DGKD: variants seen among roughly 807,000 people sequenced by gnomAD.
DGKD encodes the protein diacylglycerol kinase delta.
In DGKD, 68 loss-of-function variants were observed where a neutral mutation model predicts 154.4. That is an observed-to-expected ratio of 0.44 (90% CI 0.36 to 0.54). The LOEUF (loss-of-function observed/expected upper bound fraction) is 0.54, where lower values mean the gene tolerates loss of function less well. DGKD is among the 20% of genes least tolerant of loss of function. DGKD has a pLI of 0.00. For synonymous variants in DGKD, 693 were observed against 638.0 expected (o/e 1.09, Z -1.30); for missense variants, 1,343 against 1,593.6 (o/e 0.84, Z 2.68).
chr2:233,424,382 G>A (rs1459305969), intron 3 of DGKD, among the ~76,000 whole-genome samples: 2 of 152,204 alleles, frequency 1.3e-5, no homozygotes, highest in African/African-American at 4.8e-5. Context: ...TTATCCTCCA[G>A]ATCTTATTTC....
chr2:233,390,495 C>T lies in DGKD; in HGVS notation c.348+12C>T, dbSNP rs760807120. The T allele has an allele frequency of 4.3e-4, 697 of 1,607,152 alleles. 1 individual carries two copies. Among genetic ancestry groups the T allele is most frequent in the Non-Finnish European group, 4.3e-4 (510 of 1,173,886 alleles). On this transcript the variant is annotated intron_variant, in intron 3 of 29. Coordinates refer to ENST00000264057, the MANE Select transcript of DGKD (RefSeq NM_152879.3). Reference sequence around the variant, plus strand: ...ACAACAGTTTTACGGTAAGATTCCTCAGTCATGCCTTTCTTGATTCTTCAC... The same window carrying T: ...ACAACAGTTTTACGGTAAGATTCCTTAGTCATGCCTTTCTTGATTCTTCAC...
rs41270761 is a variant in DGKD at position 233,442,750 on chromosome 2, C to A, written c.1194+755C>A. On this transcript the variant is annotated intron_variant, in intron 10 of 29. Transcript: ENST00000264057. The stretch of plus-strand genomic sequence containing the variant: ...CCTCCTAAATAGCTGGGATTACAGG[C>A]GCACGCTACCACGCCCAGCTAATTT... Among the ~76,000 whole-genome samples the A allele has an allele frequency of 8.5e-3, 1,296 of 152,178 alleles. 14 individuals are homozygous for A. Among genetic ancestry groups the A allele is most frequent in the Middle Eastern group, 0.037 (11 of 294 alleles).
At chr2:233,468,621 T>C (rs1420844557) in intron 29 of DGKD, 68 bp downstream of exon 29, 1 of 1,596,286 alleles carries the variant, frequency 6.3e-7, no homozygotes, top group Non-Finnish European at 8.5e-7. Flanking sequence ...TCTTCCATCC[T>C]CTCCCCCGAC....
At chr2:233,400,618 G>A (rs1183779294) in intron 3 of DGKD, among the ~76,000 whole-genome samples, 1 of 152,216 alleles carries the variant, frequency 6.6e-6, no homozygotes, top group East Asian at 1.9e-4. Flanking sequence ...CATCTCGGGT[G>A]CTGGTTTTAT....
chr2:233,467,366 G>C (rs918921705), intron 28 of DGKD, among the ~76,000 whole-genome samples, 163 bp downstream of exon 28: 1 of 152,142 alleles, frequency 6.6e-6, no homozygotes, highest in Non-Finnish European at 1.5e-5. Flanking sequence ...GGTAGCTGCA[G>C]CCCTCCACCC....
chr2:233,372,026 T>C (rs2125400688), intron 1 of DGKD, among the ~76,000 whole-genome samples: 1 of 152,056 alleles, frequency 6.6e-6, no homozygotes, highest in South Asian at 2.1e-4. Context: ...TTTATTTTGT[T>C]TTATTTTATT....
rs1472872981 is a variant in DGKD at position 233,354,757 on chromosome 2, G to T, written c.156+83G>T. ...CGAGGCCCGTGGCCCTGCCCGAGCGGCCGCCCAGGCCCGGCTCGGCCCGGC... is the reference window on the plus strand; with the variant it reads ...CGAGGCCCGTGGCCCTGCCCGAGCGTCCGCCCAGGCCCGGCTCGGCCCGGC... On this transcript the variant is annotated intron_variant, in intron 1 of 29. Transcript: ENST00000264057. The surrounding 1 kb of genome is among the most constrained non-coding windows in gnomAD (Gnocchi z 4.8). 1.2e-6 allele frequency: 1 copy of T among 837,168 alleles called. No individual in the cohort carries two copies. Among genetic ancestry groups the T allele is most frequent in the South Asian group, 5.3e-5 (1 of 18,872 alleles). The allele number at this position is 837,168 out of a possible 1,614,324, so 51.9% of individuals were successfully genotyped here. A position where few individuals can be genotyped will look rare whatever the true frequency, so the allele number is the denominator to read the frequency against.
chr2:233,450,787 A>G (rs1559166263), intron 16 of DGKD, 135 bp from the exon 17 acceptor site: 5 of 1,131,258 alleles, frequency 4.4e-6, no homozygotes, highest in East Asian at 4.9e-5. Flanking sequence ...TTTGTCCCAC[A>G]CACTTCACGC....
intron 3 of DGKD, among the ~76,000 whole-genome samples, chr2:233,390,942 A>G (rs1703564641): frequency 6.6e-6 from 1 of 152,022 alleles, no homozygotes; most frequent in South Asian, 2.1e-4. Flanking sequence ...CGTGTTGGTC[A>G]GGGTGGTCTC....
In DGKD at chr2:233,378,107, A is replaced by AT. The variant is rs869218829; in HGVS notation, c.157-10136dup. Among the ~76,000 whole-genome samples, 606 of 139,188 alleles carry AT rather than the reference A, an allele frequency of 4.4e-3. 4 individuals carry two copies. Among genetic ancestry groups the AT allele is most frequent in the African/African-American group, 0.012 (440 of 36,128 alleles). The allele number at this position is 139,188 out of a possible 152,430, so 91.3% of individuals were successfully genotyped here. The stretch of plus-strand genomic sequence containing the variant: ...CAGGTGTGCACCACCACGCCCAGCT[A>AT]TTTTTTTTTTTTTTCTAAATTTGAG... On this transcript the variant is annotated intron_variant, in intron 1 of 29. Transcript: ENST00000264057.
At chr2:233,398,194 G>A (rs572775034) in intron 3 of DGKD, among the ~76,000 whole-genome samples, 3 of 150,190 alleles carry the variant, frequency 2.0e-5, no homozygotes, top group South Asian at 4.2e-4. Flanking sequence ...CCAGGCTGGA[G>A]TGCAGTGGTG....
In DGKD at chr2:233,389,588, A is replaced by AG. The variant is rs1317837838; in HGVS notation, c.268-815_268-814insG. ...TTCCCTCAATTAAAAAAAAAAAAAA[A>AG]CACGACAAAATAACCTTTTACAGTT... is the stretch of plus-strand genomic sequence containing the variant. On this transcript the variant is annotated intron_variant, in intron 2 of 29. Transcript: ENST00000264057. 6.2e-3 allele frequency among the ~76,000 whole-genome samples: 926 copies of AG among 149,168 alleles called. 8 individuals carry two copies. Among genetic ancestry groups the AG allele is most frequent in the African/African-American group, 0.022 (863 of 39,896 alleles).
chr2:233,372,660 G>T, intron 1 of DGKD, among the ~76,000 whole-genome samples: 1 of 149,230 alleles, frequency 6.7e-6, no homozygotes, highest in African/African-American at 2.5e-5. Flanking sequence ...TATTTTTATT[G>T]TCCATTAGTC....
chr2:233,434,985 C>A, intron 5 of DGKD, 84 bp downstream of exon 5: 1 of 1,536,878 alleles, frequency 6.5e-7, no homozygotes, highest in African/African-American at 1.4e-5. Flanking sequence ...AACCCAGTCA[C>A]CATAAATAAG....
chr2:233,460,923 G>T (rs1303632131), intron 24 of DGKD, among the ~76,000 whole-genome samples: 7 of 151,330 alleles, frequency 4.6e-5, no homozygotes. Context: ...AAAAAACCCT[G>T]CCCTGGCTCC....
intron 3 of DGKD, among the ~76,000 whole-genome samples, chr2:233,397,622 G>A (rs1031909031): frequency 3.3e-5 from 5 of 152,152 alleles, no homozygotes; most frequent in African/African-American, 1.2e-4. Flanking sequence ...AGGGGACCAG[G>A]GCAGAGCTTG....
Position 233,462,445 on chromosome 2 carries a change from C to T in DGKD, c.3079C>T (p.Pro1027Ser). 1.3e-6 allele frequency: 2 copies of T among 1,597,448 alleles called. No homozygotes were observed. Among genetic ancestry groups the T allele is most frequent in the Non-Finnish European group, 1.7e-6 (2 of 1,167,334 alleles). Reference sequence around the variant, plus strand: ...GTCCATGGACCGTGTGTATGGCAAGCCCAGAACCACAGAGGTAGCTATTCT... The same window carrying T: ...GTCCATGGACCGTGTGTATGGCAAGTCCAGAACCACAGAGGTAGCTATTCT... The part of the protein sequence containing the change: ...SKSMDRVYGK[P>S]RTTEGLNCSF... The change falls in exon 25 of 30, where the codon CCC becomes TCC. Residue 1027 changes from proline to serine, a missense_variant. This residue lies in a region of DGKD where 429 missense variants were observed against 496.3 expected (regional missense o/e 0.86). Coordinates refer to ENST00000264057, the MANE Select transcript of DGKD (RefSeq NM_152879.3).
chr2:233,397,438 C>G (rs2061439014), intron 3 of DGKD, among the ~76,000 whole-genome samples: 1 of 121,584 alleles, frequency 8.2e-6, no homozygotes, highest in South Asian at 2.9e-4. Context: ...ACCAGGGTGG[C>G]TGGCAGAGGC....
At chr2:233,436,675 TATG>T in intron 7 of DGKD, among the ~76,000 whole-genome samples, 1 of 152,380 alleles carries the variant, frequency 6.6e-6, no homozygotes, top group Non-Finnish European at 1.5e-5. Flanking sequence ...TGTGTATTGT[TATG>T]ACAGATGTCA....
Sources: gnomAD v4.1 joint callset for allele counts (sites outside exome capture counted in the v4.1 genomes callset) on GRCh38, gnomAD v4.1.1 for gene constraint, gnomAD v4.1.1 regional missense constraint, Gnocchi (gnomAD v3.1) non-coding constraint, MANE v1.5 for transcripts, NCBI Gene and HGNC (gene_info 2026-07-23, HGNC 2026-07-21) for gene names.